The following PPM1H variants were observed in gnomAD, a reference collection of about 807,000 sequenced individuals.
PPM1H encodes protein phosphatase, Mg2+/Mn2+ dependent 1H, also known as protein phosphatase 1H.
A neutral mutation model predicts 54.9 loss-of-function variants in PPM1H; 27 were observed. The ratio of observed to expected loss-of-function variants is 0.49; its 90% CI spans 0.36 to 0.68. The LOEUF (loss-of-function observed/expected upper bound fraction) is 0.68, where lower values mean the gene tolerates loss of function less well. Ranked by LOEUF, PPM1H falls within the 30% of genes least tolerant of loss-of-function variation. The pLI, the probability that PPM1H is intolerant of heterozygous loss-of-function variation, is 0.00. For synonymous variants in PPM1H, 305 were observed against 270.8 expected, an observed-to-expected ratio of 1.13 and a Z score of -1.24; for missense variants, 596 against 667.8, an observed-to-expected ratio of 0.89 and a Z score of 1.19.
At chr12:62,902,932 A>G (rs1346795916) in intron 1 of PPM1H, among the ~76,000 whole-genome samples, 1 of 152,194 alleles carries the variant, frequency 6.6e-6, no homozygotes, top group Non-Finnish European at 1.5e-5. Flanking sequence ...GGCAAATGGA[A>G]TACTGCCCCA....
At chr12:62,737,476 C>A in intron 5 of PPM1H, 26 bp downstream of exon 5, 1 of 1,486,762 alleles carries the variant, frequency 6.7e-7, no homozygotes, top group East Asian at 2.4e-5. Flanking sequence ...TGCCACTGCC[C>A]TCTGCCAAGC....
In PPM1H at chr12:62,709,056, C is replaced by T. The variant is rs77125912; in HGVS notation, c.1073+11115G>A. On this transcript the variant is annotated intron_variant, in intron 6 of 9. Transcript: ENST00000228705. Reference sequence around the variant, plus strand: ...CCTGGCATTCAAAGTTCCCCATGAGCTGACTCCAATGTAATTACCTAGTTT... The same window carrying T: ...CCTGGCATTCAAAGTTCCCCATGAGTTGACTCCAATGTAATTACCTAGTTT... 2.8e-3 allele frequency among the ~76,000 whole-genome samples: 433 copies of T among 152,294 alleles called. 4 individuals carry two copies. The highest frequency in any genetic ancestry group is 9.9e-3 in the African/African-American group (413 of 41,558).
intron 4 of PPM1H, among the ~76,000 whole-genome samples, chr12:62,778,056 G>A (rs1317700071): frequency 6.6e-6 from 1 of 152,138 alleles, no homozygotes; most frequent in East Asian, 1.9e-4. Flanking sequence ...ATGTTTGACA[G>A]CTAAAGCTGA....
intron 3 of PPM1H, among the ~76,000 whole-genome samples, chr12:62,795,031 G>A (rs2076724363): frequency 6.6e-6 from 1 of 152,030 alleles, no homozygotes; most frequent in Admixed American, 6.6e-5. Context: ...GGGGTTGTAG[G>A]GGCACACCTA....
chr12:62,658,487 C>A (rs909552283), intron 9 of PPM1H, among the ~76,000 whole-genome samples: 2 of 152,204 alleles, frequency 1.3e-5, no homozygotes, highest in South Asian at 2.1e-4. Context: ...GAGACCCCCC[C>A]ACTGAACCTC....
chr12:62,868,742 A>G (rs575441739), intron 1 of PPM1H, among the ~76,000 whole-genome samples: 175 of 152,380 alleles, frequency 1.1e-3, no homozygotes, highest in African/African-American at 4.1e-3. Context: ...TGATAAAAAA[A>G]CATGGCAGCA....
At chr12:62,905,699 A>G (rs1029791199) in intron 1 of PPM1H, among the ~76,000 whole-genome samples, 3 of 152,206 alleles carry the variant, frequency 2.0e-5, no homozygotes, top group Non-Finnish European at 2.9e-5. Context: ...AGGCTTTAAC[A>G]TACTTAAAAA....
intron 4 of PPM1H, among the ~76,000 whole-genome samples, chr12:62,777,650 A>G (rs890593062): frequency 6.6e-6 from 1 of 152,238 alleles, no homozygotes; most frequent in African/African-American, 2.4e-5. Context: ...ATGGGAGGAA[A>G]TGAACTCAAA....
chr12:62,675,364 T>G (rs1394198907), intron 8 of PPM1H, among the ~76,000 whole-genome samples: 1 of 152,240 alleles, frequency 6.6e-6, no homozygotes, highest in Non-Finnish European at 1.5e-5. Flanking sequence ...TCTCTGGGTT[T>G]CCAATGGTTT....
chr12:62,781,369 G>A (rs1044428654), intron 4 of PPM1H, among the ~76,000 whole-genome samples: 2 of 152,206 alleles, frequency 1.3e-5, no homozygotes, highest in Admixed American at 6.5e-5. Context: ...CAGAGTGGAA[G>A]GGGAGACACG....
intron 3 of PPM1H, among the ~76,000 whole-genome samples, chr12:62,797,549 A>T (rs1259821644): frequency 2.0e-5 from 3 of 152,222 alleles, no homozygotes; most frequent in Non-Finnish European, 4.4e-5. Flanking sequence ...CCTGCTATAG[A>T]CAGCTGTGTG....
At chr12:62,818,064 CA>C (rs1341139067) in intron 2 of PPM1H, among the ~76,000 whole-genome samples, 3 of 152,116 alleles carry the variant, frequency 2.0e-5, no homozygotes, top group Non-Finnish European at 2.9e-5. Flanking sequence ...AGTCTCAAGC[CA>C]AAAACAATCT....
intron 8 of PPM1H, among the ~76,000 whole-genome samples, chr12:62,669,752 T>C (rs748612392): frequency 2.0e-5 from 3 of 151,960 alleles, no homozygotes; most frequent in Non-Finnish European, 4.4e-5. Flanking sequence ...GGCAACATAG[T>C]GAGATCCTAT....
At chr12:62,831,587 T>G (rs1378937995) in intron 2 of PPM1H, among the ~76,000 whole-genome samples, 1 of 151,140 alleles carries the variant, frequency 6.6e-6, no homozygotes, top group Non-Finnish European at 1.5e-5. Context: ...AGGGGCAGAG[T>G]CATGGCAGGG....
At chr12:62,866,844 C>G (rs148672115) in intron 1 of PPM1H, among the ~76,000 whole-genome samples, 2 of 152,058 alleles carry the variant, frequency 1.3e-5, no homozygotes, top group African/African-American at 4.8e-5. Context: ...TTTCTCCATT[C>G]TGTCACTTAG....
chr12:62,854,946 A>G (rs1273091450), intron 1 of PPM1H, among the ~76,000 whole-genome samples: 2 of 152,196 alleles, frequency 1.3e-5, no homozygotes, highest in African/African-American at 4.8e-5. Context: ...ACCCTCACCC[A>G]CAGTATAGGC....
chr12:62,662,964 T>C (rs1453557906), intron 9 of PPM1H, among the ~76,000 whole-genome samples: 1 of 152,206 alleles, frequency 6.6e-6, no homozygotes. Context: ...TTTCACTTCA[T>C]GTACATAGAA....
At chr12:62,729,522 G>A (rs575712721) in intron 5 of PPM1H, among the ~76,000 whole-genome samples, 5 of 152,298 alleles carry the variant, frequency 3.3e-5, no homozygotes, top group Admixed American at 6.5e-5. Flanking sequence ...CTTCTCATAC[G>A]CATACAAGCT....
chr12:62,922,259 T>C (rs769524032), intron 1 of PPM1H, among the ~76,000 whole-genome samples: 68 of 152,214 alleles, frequency 4.5e-4, no homozygotes, highest in Middle Eastern at 3.4e-3. Flanking sequence ...TAAAGCCTCT[T>C]GAAAATTAGT....
Sources: gnomAD v4.1 joint callset for allele counts (sites outside exome capture counted in the v4.1 genomes callset) on GRCh38, gnomAD v4.1.1 for gene constraint, MANE v1.5 for transcripts, NCBI Gene and HGNC (gene_info 2026-07-23, HGNC 2026-07-21) for gene names.